Variants in SRGAP1 observed in about 807,000 individuals in gnomAD.
SRGAP1 encodes SLIT-ROBO Rho GTPase activating protein 1, also known as SLIT-ROBO Rho GTPase-activating protein 1.
A neutral mutation model predicts 121.9 loss-of-function variants in SRGAP1; 43 were observed. The ratio of observed to expected loss-of-function variants is 0.35; its 90% CI spans 0.28 to 0.46. The LOEUF (loss-of-function observed/expected upper bound fraction) is 0.46, where lower values mean the gene tolerates loss of function less well. Among genes scored for constraint, SRGAP1 ranks in the 20% least tolerant of loss-of-function variants. SRGAP1 has a pLI of 1.00. For missense variants in SRGAP1, 1,102 were observed against 1,350.9 expected (o/e 0.82, Z 2.89); for synonymous variants, 447 against 485.4 (o/e 0.92, Z 1.04).
At chr12:63,894,775 T>C (rs1262549948) in intron 1 of SRGAP1, among the ~76,000 whole-genome samples, 2 of 152,224 alleles carry the variant, frequency 1.3e-5, no homozygotes, top group East Asian at 3.8e-4. Context: ...TCCAGCTTCA[T>C]CCATGTCCCT....
chr12:63,912,718 AAG>A (rs1565947450), intron 1 of SRGAP1, among the ~76,000 whole-genome samples: 1 of 152,172 alleles, frequency 6.6e-6, no homozygotes, highest in Non-Finnish European at 1.5e-5. Flanking sequence ...TTTTTTAAAA[AAG>A]AGAAATATAA....
At chr12:64,136,878 G>A (rs1472490149) in intron 21 of SRGAP1, among the ~76,000 whole-genome samples, 1 of 152,196 alleles carries the variant, frequency 6.6e-6, no homozygotes, top group African/African-American at 2.4e-5. Flanking sequence ...TTGGGTTAGA[G>A]AGACAGGGAT....
intron 10 of SRGAP1, chr12:64,081,251 T>G (rs1433241150): frequency 2.0e-5 from 3 of 152,152 alleles, no homozygotes; most frequent in African/African-American, 7.2e-5. Context: ...CTGAGTTGTG[T>G]GAGTAACTCA....
At chr12:64,087,857 C>T (rs1730005877) in intron 11 of SRGAP1, among the ~76,000 whole-genome samples, 1 of 152,152 alleles carries the variant, frequency 6.6e-6, no homozygotes, top group African/African-American at 2.4e-5. Flanking sequence ...CACATACTCC[C>T]ATATTGTACT....
At chr12:64,007,426 T>G (rs747497365) in intron 3 of SRGAP1, among the ~76,000 whole-genome samples, 45 of 152,204 alleles carry the variant, frequency 3.0e-4, no homozygotes, top group Non-Finnish European at 4.6e-4. Flanking sequence ...CTGCGGCTGA[T>G]CGGACAGGGG....
At chr12:63,917,761 T>C (rs2030853916) in intron 1 of SRGAP1, among the ~76,000 whole-genome samples, 1 of 150,496 alleles carries the variant, frequency 6.6e-6, no homozygotes, top group Non-Finnish European at 1.5e-5. Flanking sequence ...TGAACCTGCT[T>C]TCTGTAATTC....
At chr12:63,990,650 C>T (rs2033532881) in intron 3 of SRGAP1, among the ~76,000 whole-genome samples, 1 of 152,134 alleles carries the variant, frequency 6.6e-6, no homozygotes, top group East Asian at 1.9e-4. Context: ...ATGAGCTACA[C>T]AATGTGAGCA....
chr12:64,103,366 A>T (rs1340296448), intron 15 of SRGAP1, among the ~76,000 whole-genome samples: 1 of 152,224 alleles, frequency 6.6e-6, no homozygotes, highest in Non-Finnish European at 1.5e-5. Flanking sequence ...TTCAAAATAT[A>T]GCTTTTAGTG....
At position 63,997,469 on chromosome 12, in the gene SRGAP1, G is replaced by A. The variant is rs78776319; in HGVS notation, c.426+7397G>A. Among the ~76,000 whole-genome samples the A allele has an allele frequency of 3.9e-3, 591 of 152,170 alleles. 6 individuals are homozygous for A. The highest frequency in any genetic ancestry group is 0.021 in the Middle Eastern group (6 of 292). Reference sequence around the variant, plus strand: ...ACTCATAATTACATTGAGATAAGTGGTCAAGGAATGCTTGAAAACTTATTT... The same window carrying A: ...ACTCATAATTACATTGAGATAAGTGATCAAGGAATGCTTGAAAACTTATTT... On this transcript the variant is annotated intron_variant, in intron 3 of 21. Coordinates refer to ENST00000355086, the MANE Select transcript of SRGAP1 (RefSeq NM_020762.4).
intron 8 of SRGAP1, among the ~76,000 whole-genome samples, chr12:64,070,615 A>C (rs911683526): frequency 6.6e-6 from 1 of 152,152 alleles, no homozygotes; most frequent in Non-Finnish European, 1.5e-5. Flanking sequence ...GCTCCACGTA[A>C]ATTTTCCTAG....
At chr12:64,108,431 T>A (rs1191278749) in intron 15 of SRGAP1, among the ~76,000 whole-genome samples, 3 of 152,178 alleles carry the variant, frequency 2.0e-5, no homozygotes, top group African/African-American at 7.2e-5. Flanking sequence ...ATTGATGGTA[T>A]AATGTAATAC....
At chr12:63,984,844 C>T (rs997388754) in intron 2 of SRGAP1, among the ~76,000 whole-genome samples, 2 of 151,864 alleles carry the variant, frequency 1.3e-5, no homozygotes, top group Non-Finnish European at 2.9e-5. Flanking sequence ...GGTGAAACCC[C>T]GTCTCTACTA....
At chr12:64,098,874 C>T (rs2036212245) in intron 15 of SRGAP1, among the ~76,000 whole-genome samples, 1 of 152,164 alleles carries the variant, frequency 6.6e-6, no homozygotes, top group Non-Finnish European at 1.5e-5. Flanking sequence ...GTTTCCTCAG[C>T]TGTCCATGAT....
intron 1 of SRGAP1, among the ~76,000 whole-genome samples, chr12:63,902,162 A>T (rs2029968561): frequency 6.6e-6 from 1 of 152,198 alleles, no homozygotes; most frequent in African/African-American, 2.4e-5. Flanking sequence ...TAAAAAATTT[A>T]TTTAAAAACA....
At chr12:63,920,235 T>G (rs1408110139) in intron 1 of SRGAP1, among the ~76,000 whole-genome samples, 1 of 152,224 alleles carries the variant, frequency 6.6e-6, no homozygotes, top group Non-Finnish European at 1.5e-5. Context: ...CATTGACATT[T>G]CCTGATAACT....
At position 63,945,573 on chromosome 12, in the gene SRGAP1, A is replaced by G. The variant is rs574232151; in HGVS notation, c.68-38374A>G. ...ACATCTTGGAGAACTTATCTTGTGG[A>G]TTCCACAACTTCAAGGTGTTCTTAA... On this transcript the variant is annotated intron_variant, in intron 1 of 21. Coordinates refer to ENST00000355086, the MANE Select transcript of SRGAP1 (RefSeq NM_020762.4). Among the ~76,000 whole-genome samples the G allele has an allele frequency of 1.1e-4, 17 of 152,336 alleles. No homozygotes were observed. In the South Asian group the frequency reaches 3.5e-3, roughly 32 times the overall value.
In SRGAP1 at chr12:63,883,689, C is replaced by T. The variant is rs1429329307; in HGVS notation, c.67+38806C>T. On this transcript the variant is annotated intron_variant, in intron 1 of 21. Transcript: ENST00000355086. The stretch of plus-strand genomic sequence containing the variant: ...TTTTTTTTTTTTTGAGGCGGATTCT[C>T]GCTCTGTCGCCCAGGCTGGAGTGCA... 3.7e-4 allele frequency among the ~76,000 whole-genome samples: 55 copies of T among 148,092 alleles called. 1 individual carries two copies. Among genetic ancestry groups the T allele is most frequent in the African/African-American group, 1.2e-3 (48 of 40,262 alleles).
At chr12:64,033,145 C>G (rs2034820385) in intron 4 of SRGAP1, among the ~76,000 whole-genome samples, 1 of 151,972 alleles carries the variant, frequency 6.6e-6, no homozygotes, top group African/African-American at 2.4e-5. Flanking sequence ...TATGTGTTCT[C>G]CATTTTTCCC....
intron 12 of SRGAP1, among the ~76,000 whole-genome samples, chr12:64,093,670 C>T (rs2036097829): frequency 2.6e-5 from 4 of 152,126 alleles, no homozygotes; most frequent in Admixed American, 2.0e-4. Context: ...AACTAGTCCA[C>T]ACTAAAATGC....
Sources: allele counts gnomAD v4.1 joint callset (sites outside exome capture counted in the v4.1 genomes callset), GRCh38; gene constraint gnomAD v4.1.1; transcripts MANE v1.5; gene names NCBI Gene and HGNC (gene_info 2026-07-23, HGNC 2026-07-21).